CSMD3: variants seen among roughly 807,000 people sequenced by gnomAD.
CSMD3 encodes CUB and Sushi multiple domains 3.
CSMD3 carries 177 observed loss-of-function variants against 435.2 expected under a neutral mutation model. The ratio of observed to expected loss-of-function variants is 0.41; its 90% confidence interval spans 0.36 to 0.46. The LOEUF is 0.46. CSMD3 is among the 20% of genes least tolerant of loss of function. The probability of loss-of-function intolerance (pLI) is 0.34; values close to 1 mark genes in which losing one functional copy is unlikely to be tolerated. For synonymous variants in CSMD3, 1,656 were observed against 1,520.5 expected, an observed-to-expected ratio of 1.09 and a Z score of -2.07; for missense variants, 4,265 against 4,504.6, an observed-to-expected ratio of 0.95 and a Z score of 1.52.
intron 7 of CSMD3, among the ~76,000 whole-genome samples, chr8:112,974,809 T>A (rs565988717): frequency 1.3e-5 from 2 of 151,878 alleles, no homozygotes; most frequent in Non-Finnish European, 2.9e-5. Flanking sequence ...TTGATTTCTA[T>A]CCTTCTTGTG....
intron 6 of CSMD3, among the ~76,000 whole-genome samples, chr8:113,016,334 A>C (rs1229791116): frequency 6.6e-6 from 1 of 151,868 alleles, no homozygotes; most frequent in Non-Finnish European, 1.5e-5. Flanking sequence ...TAAAATTATA[A>C]TATCTAAAGC....
intron 22 of CSMD3, among the ~76,000 whole-genome samples, chr8:112,612,238 G>A (rs1442061996): frequency 1.3e-5 from 2 of 152,096 alleles, no homozygotes; most frequent in Non-Finnish European, 2.9e-5. Flanking sequence ...TATCAGCCAG[G>A]TATAACAGAT....
At chr8:112,921,458 T>C (rs2082740716) in intron 10 of CSMD3, among the ~76,000 whole-genome samples, 169 bp downstream of exon 10, 1 of 152,088 alleles carries the variant, frequency 6.6e-6, no homozygotes, top group African/African-American at 2.4e-5. Context: ...GGGAACCTAA[T>C]AGATTGATTC....
intron 38 of CSMD3, among the ~76,000 whole-genome samples, chr8:112,359,408 A>T (rs1826955190): frequency 6.6e-6 from 1 of 152,142 alleles, no homozygotes; most frequent in Admixed American, 6.5e-5. Context: ...TTTATCTCCC[A>T]TCTGAGAATG....
intron 61 of CSMD3, among the ~76,000 whole-genome samples, chr8:112,260,742 G>A (rs890682249): frequency 2.6e-5 from 4 of 151,950 alleles, no homozygotes; most frequent in African/African-American, 9.7e-5. Context: ...AATTTTAAGG[G>A]CGAATTACGT....
chr8:112,367,306 C>G (rs1049018422), intron 38 of CSMD3, among the ~76,000 whole-genome samples: 1 of 152,072 alleles, frequency 6.6e-6, no homozygotes, highest in African/African-American at 2.4e-5. Flanking sequence ...TTCCTAGATT[C>G]CACAGAAACA....
At position 112,553,408 on chromosome 8, in the gene CSMD3, G is replaced by A. The variant is rs540399077; in HGVS notation, c.4235-688C>T. Among the ~76,000 whole-genome samples the A allele has an allele frequency of 2.6e-5, 4 of 152,136 alleles. No homozygotes were observed. In the South Asian group the frequency reaches 6.2e-4, roughly 24 times the overall value. ...ACTATTTAATACTGTTGTGATAACT[G>A]GAGTGATTTTACGTCAGTGAACAAC... On this transcript the variant is annotated intron_variant, in intron 25 of 70. Transcript: ENST00000297405.
intron 15 of CSMD3, among the ~76,000 whole-genome samples, chr8:112,683,479 C>T (rs1354197018): frequency 6.6e-6 from 1 of 151,950 alleles, no homozygotes; most frequent in African/African-American, 2.4e-5. Context: ...TCTTATTCTA[C>T]CTTGTTTGTC....
intron 10 of CSMD3, among the ~76,000 whole-genome samples, chr8:112,870,777 A>G (rs1212452050): frequency 6.6e-6 from 1 of 152,166 alleles, no homozygotes; most frequent in Non-Finnish European, 1.5e-5. Flanking sequence ...TGGAAAGATT[A>G]ATAAGACAAT....
intron 59 of CSMD3, among the ~76,000 whole-genome samples, chr8:112,278,627 T>C (rs74597546): frequency 0.027 from 4,077 of 152,268 alleles, 82 homozygotes; most frequent in Non-Finnish European, 0.043. Context: ...GCTGGCACAC[T>C]GTGCAATAAG....
chr8:112,254,215 C>T (rs1466717087), intron 63 of CSMD3, 38 bp downstream of exon 63: 1 of 1,409,388 alleles, frequency 7.1e-7, no homozygotes, highest in African/African-American at 1.4e-5. Flanking sequence ...GCATTCTGAC[C>T]TAGTATGATG....
At chr8:113,011,296 G>A (rs1407177607) in intron 6 of CSMD3, among the ~76,000 whole-genome samples, 2 of 151,720 alleles carry the variant, frequency 1.3e-5, no homozygotes, top group Admixed American at 6.6e-5. Flanking sequence ...AAAATGTTAA[G>A]AAAGATAAAA....
At chr8:112,673,295 C>A (rs1014443069) in intron 16 of CSMD3, among the ~76,000 whole-genome samples, 20 of 151,618 alleles carry the variant, frequency 1.3e-4, no homozygotes, top group African/African-American at 4.6e-4. Flanking sequence ...AGGTATGTAT[C>A]TAGGATAAGA....
intron 34 of CSMD3, 50 bp from the exon 35 acceptor site, chr8:112,406,777 A>G (rs1831899667): frequency 1.7e-6 from 2 of 1,194,344 alleles, no homozygotes; most frequent in Middle Eastern, 2.6e-4. Flanking sequence ...AGACAAATAC[A>G]GATTTCAAAA....
At chr8:112,484,707 G>A (rs1819951749) in intron 31 of CSMD3, among the ~76,000 whole-genome samples, 1 of 151,968 alleles carries the variant, frequency 6.6e-6, no homozygotes, top group African/African-American at 2.4e-5. Flanking sequence ...TGCAGGTTGA[G>A]CATCCCTAAT....
rs2130631017 is a variant in CSMD3 at position 112,921,681 on chromosome 8, G to C, written c.1579C>G (p.Gln527Glu). ...VLQGAKSITC[Q>E]RIAEVFAAWS... ...GCAGCAAAAACTTCAGCTATCCGTT[G>C]ACAGGTGATGCTCTTTGCGCCCTGT... The change falls in exon 10 of 71, where the codon CAA (glutamine) becomes GAA (glutamate). Residue 527 changes from glutamine to glutamate, a missense_variant. Gln to Glu is a conservative substitution (Grantham distance 29). Coordinates refer to ENST00000297405, the MANE Select transcript of CSMD3 (RefSeq NM_198123.2). 1 of 1,611,882 alleles carries C rather than the reference G, an allele frequency of 6.2e-7. No homozygotes were observed. The highest frequency in any genetic ancestry group is 2.2e-5 in the East Asian group (1 of 44,808).
intron 4 of CSMD3, among the ~76,000 whole-genome samples, chr8:113,120,955 T>C (rs2090968398): frequency 6.6e-6 from 1 of 152,090 alleles, no homozygotes; most frequent in South Asian, 2.1e-4. Context: ...GAAACAACAA[T>C]GCTTACGTTT....
chr8:112,985,014 A>AGATAGATAGAT (rs1350136888), intron 6 of CSMD3, among the ~76,000 whole-genome samples: 1 of 151,904 alleles, frequency 6.6e-6, no homozygotes. Flanking sequence ...ATAGATAGAT[A>AGATAGATAGAT]GATAGATAGA....
At chr8:112,377,456 C>A (rs1323980374) in intron 38 of CSMD3, among the ~76,000 whole-genome samples, 1 of 151,748 alleles carries the variant, frequency 6.6e-6, no homozygotes, top group Non-Finnish European at 1.5e-5. Context: ...TCAAACTCTT[C>A]AAAAAAAATT....
Sources: allele counts gnomAD v4.1 joint callset (sites outside exome capture counted in the v4.1 genomes callset), GRCh38; gene constraint gnomAD v4.1.1; transcripts MANE v1.5; gene names NCBI Gene and HGNC (gene_info 2026-07-23, HGNC 2026-07-21).